The following STX8 variants were observed in gnomAD, a reference collection of about 807,000 sequenced individuals.
STX8 encodes syntaxin 8.
In STX8, 23 loss-of-function variants were observed where a neutral mutation model predicts 37.5. The observed-to-expected ratio is 0.61, with a 90% CI of 0.44 to 0.87. The LOEUF (loss-of-function observed/expected upper bound fraction) is 0.87. STX8 is among the 40% of genes least tolerant of loss of function. STX8 has a pLI of 0.00. For missense variants in STX8, 313 were observed against 284.7 expected (o/e 1.10, Z -0.71); for synonymous variants, 115 against 99.1 (o/e 1.16, Z -0.95).
chr17:9,290,995 GT>G (rs1478712181), intron 7 of STX8, among the ~76,000 whole-genome samples: 1 of 152,160 alleles, frequency 6.6e-6, no homozygotes, highest in Non-Finnish European at 1.5e-5. Flanking sequence ...CATGGAACAA[GT>G]TCTAGGAAGA....
chr17:9,374,063 C>CTA (rs1196800456), intron 7 of STX8, among the ~76,000 whole-genome samples: 2 of 150,312 alleles, frequency 1.3e-5, no homozygotes, highest in Non-Finnish European at 3.0e-5. Flanking sequence ...AAATTTTATG[C>CTA]TATATATATT....
At chr17:9,519,544 T>C (rs1035506822) in intron 4 of STX8, among the ~76,000 whole-genome samples, 1 of 152,102 alleles carries the variant, frequency 6.6e-6, no homozygotes, top group African/African-American at 2.4e-5. Flanking sequence ...TGTCCCCAGT[T>C]ACCCTCATTC....
At chr17:9,382,961 G>T (rs190270002) in intron 6 of STX8, among the ~76,000 whole-genome samples, 59 of 152,300 alleles carry the variant, frequency 3.9e-4, no homozygotes, top group Middle Eastern at 6.8e-3. Flanking sequence ...CCTTTGGGAG[G>T]TGAATGGTGA....
intron 7 of STX8, among the ~76,000 whole-genome samples, chr17:9,337,474 G>A (rs1910175538): frequency 6.6e-6 from 1 of 152,142 alleles, no homozygotes; most frequent in Non-Finnish European, 1.5e-5. Context: ...CACCTCCTGG[G>A]TTCAAGCGAT....
chr17:9,475,088 G>A (rs1246413145), intron 6 of STX8, among the ~76,000 whole-genome samples: 1 of 152,026 alleles, frequency 6.6e-6, no homozygotes, highest in Non-Finnish European at 1.5e-5. Context: ...AAAAGAGAGA[G>A]ACTTTGAGCT....
At chr17:9,406,867 T>G (rs1053722503) in intron 6 of STX8, among the ~76,000 whole-genome samples, 1 of 152,148 alleles carries the variant, frequency 6.6e-6, no homozygotes, top group Non-Finnish European at 1.5e-5. Context: ...AAGTGTATAT[T>G]GGACTATAGA....
intron 2 of STX8, among the ~76,000 whole-genome samples, chr17:9,562,401 G>A (rs1328862087): frequency 2.7e-5 from 4 of 148,716 alleles, no homozygotes; most frequent in African/African-American, 5.0e-5. Context: ...GCGAGACTCC[G>A]TCTCAGGAAA....
intron 2 of STX8, among the ~76,000 whole-genome samples, chr17:9,565,795 T>G (rs371232280): frequency 6.6e-6 from 1 of 152,096 alleles, no homozygotes; most frequent in Non-Finnish European, 1.5e-5. Context: ...TTACACCACA[T>G]GCAAAAATTA....
At position 9,454,984 on chromosome 17, in the gene STX8, G is replaced by A. The variant is rs561729538; in HGVS notation, c.541+36845C>T. ...TAATCCCAGCGCTTTGGAAGGTCAAGGCGGGAGCATCACTTGAGGTCAGGA... is the reference window on the plus strand; with the variant it reads ...TAATCCCAGCGCTTTGGAAGGTCAAAGCGGGAGCATCACTTGAGGTCAGGA... On this transcript the variant is annotated intron_variant, in intron 6 of 7. Coordinates refer to ENST00000306357, the MANE Select transcript of STX8 (RefSeq NM_004853.3). Among the ~76,000 whole-genome samples, 6 of 152,264 alleles carry A rather than the reference G, an allele frequency of 3.9e-5. No homozygotes were observed. The East Asian group carries it at 9.7e-4, about 25-fold the overall frequency.
intron 2 of STX8, among the ~76,000 whole-genome samples, chr17:9,563,732 A>T (rs1328534178): frequency 6.6e-6 from 1 of 152,234 alleles, no homozygotes; most frequent in Non-Finnish European, 1.5e-5. Flanking sequence ...TTACTTATTT[A>T]AAATTAAATT....
chr17:9,502,323 A>G (rs1417450056), intron 5 of STX8, among the ~76,000 whole-genome samples: 3 of 152,106 alleles, frequency 2.0e-5, no homozygotes, highest in Admixed American at 1.3e-4. Context: ...AGATGAGGAG[A>G]TGTGGGTCAC....
intron 7 of STX8, among the ~76,000 whole-genome samples, chr17:9,354,548 C>T (rs1910815023): frequency 6.6e-6 from 1 of 151,810 alleles, no homozygotes; most frequent in African/African-American, 2.4e-5. Flanking sequence ...TCTTGATCTC[C>T]TAATCTCATG....
chr17:9,501,257 AT>A (rs1359526791), intron 5 of STX8, among the ~76,000 whole-genome samples: 8 of 152,236 alleles, frequency 5.3e-5, no homozygotes, highest in African/African-American at 1.9e-4. Context: ...AGAATATCCA[AT>A]AAAATTGTAA....
chr17:9,264,299 T>C (rs1357220514), intron 7 of STX8, among the ~76,000 whole-genome samples: 2 of 152,158 alleles, frequency 1.3e-5, no homozygotes, highest in East Asian at 1.9e-4. Flanking sequence ...ATTGCCAAAT[T>C]TGGGGTGATC....
intron 6 of STX8, 35 bp downstream of exon 6, chr17:9,491,794 A>T: frequency 6.4e-7 from 1 of 1,558,362 alleles, no homozygotes; most frequent in Non-Finnish European, 8.8e-7. Context: ...ATTTATGTCA[A>T]CGGCAAATCT....
chr17:9,389,200 G>T (rs1912121061), intron 6 of STX8, among the ~76,000 whole-genome samples: 1 of 152,230 alleles, frequency 6.6e-6, no homozygotes, highest in South Asian at 2.1e-4. Context: ...GACCTCAGAA[G>T]ATTTCCTAGG....
At chr17:9,326,121 CCT>C (rs1192870526) in intron 7 of STX8, among the ~76,000 whole-genome samples, 7 of 146,104 alleles carry the variant, frequency 4.8e-5, no homozygotes, top group African/African-American at 2.0e-4. Context: ...TTGGTTCTTC[CCT>C]GTTTCCTTTT....
intron 5 of STX8, 119 bp from the exon 6 acceptor site, chr17:9,492,040 A>G (rs1382669344): frequency 7.8e-6 from 5 of 644,210 alleles, no homozygotes; most frequent in South Asian, 3.0e-5. Context: ...AAAAAAGAGA[A>G]AAGAGTTAAC....
chr17:9,570,053 T>C (rs915188147), intron 1 of STX8: 3 of 152,218 alleles, frequency 2.0e-5, no homozygotes, highest in African/African-American at 7.2e-5. Flanking sequence ...TGGACTAACA[T>C]GACCAGCATT....
Sources: gnomAD v4.1 joint callset for allele counts (sites outside exome capture counted in the v4.1 genomes callset) on GRCh38, gnomAD v4.1.1 for gene constraint, MANE v1.5 for transcripts, NCBI Gene and HGNC (gene_info 2026-07-23, HGNC 2026-07-21) for gene names.